The following THSD7B variants were observed in gnomAD, a reference collection of about 807,000 sequenced individuals.
The protein encoded by THSD7B is thrombospondin type-1 domain-containing protein 7B.
A neutral mutation model predicts 213.6 loss-of-function variants in THSD7B; 138 were observed. The ratio of observed to expected loss-of-function variants is 0.65; its 90% CI spans 0.56 to 0.74. The LOEUF (loss-of-function observed/expected upper bound fraction) is 0.74, where lower values mean the gene tolerates loss of function less well. Ranked by LOEUF, THSD7B falls within the 30% of genes least tolerant of loss-of-function variation. The pLI, the probability that THSD7B is intolerant of heterozygous loss-of-function variation, is 0.00. For missense variants in THSD7B, 1,931 were observed against 1,991.5 expected (o/e 0.97, Z 0.58); for synonymous variants, 742 against 687.0 (o/e 1.08, Z -1.25).
chr2:137,371,295 T>C (rs1685532413), intron 12 of THSD7B, among the ~76,000 whole-genome samples: 1 of 152,176 alleles, frequency 6.6e-6, no homozygotes. Context: ...GTAAAATTTT[T>C]CTAATCACGA....
chr2:136,997,973 C>A (rs1014424468), intron 2 of THSD7B, among the ~76,000 whole-genome samples: 3 of 152,022 alleles, frequency 2.0e-5, no homozygotes, highest in African/African-American at 7.2e-5. Context: ...GGGAAGGTAA[C>A]CTGGCCTAGA....
chr2:136,882,383 T>C (rs1573686936), intron 2 of THSD7B, 66 bp downstream of exon 2: 2 of 1,213,848 alleles, frequency 1.6e-6, no homozygotes, highest in Non-Finnish European at 1.1e-6. Context: ...TTTCCATCCT[T>C]CTTCTTCTTC....
chr2:137,117,252 A>G (rs879404101), intron 5 of THSD7B, among the ~76,000 whole-genome samples: 1 of 152,138 alleles, frequency 6.6e-6, no homozygotes, highest in Non-Finnish European at 1.5e-5. Context: ...TCTTACTGTT[A>G]TCATTTATAG....
intron 1 of THSD7B, among the ~76,000 whole-genome samples, chr2:136,870,719 G>A (rs115361678): frequency 6.6e-6 from 1 of 152,150 alleles, no homozygotes. Flanking sequence ...CAAGAAAGAG[G>A]CCAGTGTGTC....
chr2:137,223,840 T>A (rs1471893551), intron 7 of THSD7B, among the ~76,000 whole-genome samples: 1 of 152,116 alleles, frequency 6.6e-6, no homozygotes, highest in African/African-American at 2.4e-5. Flanking sequence ...TTCCCCTTGC[T>A]CTTCTCTTGA....
At chr2:136,998,072 C>G (rs1685926370) in intron 2 of THSD7B, among the ~76,000 whole-genome samples, 1 of 152,028 alleles carries the variant, frequency 6.6e-6, no homozygotes, top group Admixed American at 6.6e-5. Flanking sequence ...GCTGGAGACA[C>G]TGACCACAGA....
intron 10 of THSD7B, among the ~76,000 whole-genome samples, chr2:137,248,272 T>C (rs1288011447): frequency 2.0e-5 from 3 of 152,170 alleles, no homozygotes; most frequent in African/African-American, 7.2e-5. Context: ...GTCCTCTACA[T>C]GCTGGTATTA....
At chr2:137,482,091 T>A (rs938770744) in intron 15 of THSD7B, among the ~76,000 whole-genome samples, 4 of 150,646 alleles carry the variant, frequency 2.7e-5, no homozygotes, top group Non-Finnish European at 1.5e-5. Context: ...GGCAGGAGAA[T>A]GGCACGTGAA....
chr2:137,525,410 TC>T (rs2105172283), intron 15 of THSD7B, among the ~76,000 whole-genome samples: 1 of 152,282 alleles, frequency 6.6e-6, no homozygotes, highest in Non-Finnish European at 1.5e-5. Context: ...TTTATGAGCA[TC>T]CCTTCAGTGT....
intron 15 of THSD7B, among the ~76,000 whole-genome samples, chr2:137,457,358 A>AG (rs1438902441): frequency 6.6e-6 from 1 of 152,180 alleles, no homozygotes; most frequent in East Asian, 1.9e-4. Flanking sequence ...CACCTCTAGA[A>AG]TGTTCTCTTC....
intron 10 of THSD7B, among the ~76,000 whole-genome samples, chr2:137,271,452 T>TATAATATATAAC (rs1682736778): frequency 7.2e-6 from 1 of 138,974 alleles, no homozygotes; most frequent in African/African-American, 2.7e-5. Context: ...TAATATATAA[T>TATAATATATAAC]ATAATATATA....
intron 17 of THSD7B, among the ~76,000 whole-genome samples, chr2:137,596,391 A>T (rs1408486072): frequency 6.6e-6 from 1 of 152,118 alleles, no homozygotes; most frequent in African/African-American, 2.4e-5. Context: ...TTCTAGAAAC[A>T]TTAAAAATGT....
chr2:137,208,093 C>T (rs917488727), intron 7 of THSD7B, among the ~76,000 whole-genome samples: 2 of 152,014 alleles, frequency 1.3e-5, no homozygotes, highest in Non-Finnish European at 2.9e-5. Context: ...TGGAAATTAT[C>T]GCCAGACCAA....
chr2:137,024,860 G>A (rs1686516323), intron 2 of THSD7B, among the ~76,000 whole-genome samples: 1 of 152,002 alleles, frequency 6.6e-6, no homozygotes, highest in African/African-American at 2.4e-5. Flanking sequence ...TTATCTGTAT[G>A]CAAACCCTTT....
At chr2:137,401,291 A>G (rs1021437517) in intron 12 of THSD7B, among the ~76,000 whole-genome samples, 2 of 151,986 alleles carry the variant, frequency 1.3e-5, no homozygotes, top group Admixed American at 6.6e-5. Context: ...TTTATGCTTA[A>G]TTGTCTTCTT....
intron 12 of THSD7B, among the ~76,000 whole-genome samples, chr2:137,362,654 G>A (rs946949227): frequency 6.6e-6 from 1 of 152,100 alleles, no homozygotes; most frequent in Non-Finnish European, 1.5e-5. Context: ...ATTACATAAT[G>A]GTAAAGGGAT....
In THSD7B at chr2:137,086,914, T is replaced by C. The variant is rs116256124; in HGVS notation, c.951-7959T>C. Among the ~76,000 whole-genome samples the C allele has an allele frequency of 8.1e-3, 1,229 of 152,336 alleles. 8 individuals carry two copies. Among genetic ancestry groups the C allele is most frequent in the African/African-American group, 0.027 (1,126 of 41,574 alleles). ...CAATACTCCTAGGGGAAATCTCTTT[T>C]ACATGTGTAACACATAGAGATATGT... is the stretch of plus-strand genomic sequence containing the variant. On this transcript the variant is annotated intron_variant, in intron 3 of 27. Transcript: ENST00000409968.
Position 136,865,799 on chromosome 2 carries a change from C to T in THSD7B, c.-35-16345C>T, listed in dbSNP as rs188589776. 1.1e-3 allele frequency among the ~76,000 whole-genome samples: 174 copies of T among 152,258 alleles called. No individual in the cohort carries two copies. The Middle Eastern group carries it at 0.02, about 18-fold the overall frequency. ...TATTCTTCTCATAAGTTCATTGATC[C>T]TCTATCATAATCTCTCTACTGTATG... On this transcript the variant is annotated intron_variant, in intron 1 of 27. Coordinates refer to ENST00000409968, the MANE Select transcript of THSD7B (RefSeq NM_001316349.2).
chr2:137,556,022 C>A (rs943025124), intron 15 of THSD7B, among the ~76,000 whole-genome samples: 1 of 152,118 alleles, frequency 6.6e-6, no homozygotes, highest in African/African-American at 2.4e-5. Flanking sequence ...AACAAAGCCT[C>A]CAAGAAATAT....
Sources: gnomAD v4.1 joint callset for allele counts (sites outside exome capture counted in the v4.1 genomes callset) on GRCh38, gnomAD v4.1.1 for gene constraint, MANE v1.5 for transcripts, NCBI Gene and HGNC (gene_info 2026-07-23, HGNC 2026-07-21) for gene names.